Variants in TMEM132D observed in about 807,000 individuals in gnomAD.
The protein encoded by TMEM132D is mature OL transmembrane protein.
Under a neutral mutation model 62.3 loss-of-function variants are expected in TMEM132D, and 21 were observed. The ratio of observed to expected loss-of-function variants is 0.34; its 90% CI spans 0.24 to 0.49. The LOEUF (loss-of-function observed/expected upper bound fraction) is 0.49. Among genes scored for constraint, TMEM132D ranks in the 20% least tolerant of loss-of-function variants. The pLI, the probability that TMEM132D is intolerant of heterozygous loss-of-function variation, is 0.99. For missense variants in TMEM132D, 1,346 were observed against 1,402.8 expected, an observed-to-expected ratio of 0.96 and a Z score of 0.65; for synonymous variants, 621 against 575.6, an observed-to-expected ratio of 1.08 and a Z score of -1.13.
At chr12:129,336,819 G>C (rs79996024) in intron 4 of TMEM132D, among the ~76,000 whole-genome samples, 1,611 of 152,314 alleles carry the variant, frequency 0.011, 32 homozygotes, top group African/African-American at 0.037. Flanking sequence ...GCAGCAGCAG[G>C]AGGTGCTCAG....
At chr12:129,190,476 A>G (rs1242800455) in intron 5 of TMEM132D, among the ~76,000 whole-genome samples, 4 of 12,118 alleles carry the variant, frequency 3.3e-4, no homozygotes, top group Admixed American at 1.2e-3. Context: ...GGAGGGAGGG[A>G]GTCTCAGGCC....
At chr12:129,084,347 G>A in intron 6 of TMEM132D, 150 bp downstream of exon 6, 1 of 675,594 alleles carries the variant, frequency 1.5e-6, no homozygotes, top group Non-Finnish European at 2.2e-6. Flanking sequence ...GATAAAGAAT[G>A]AAGCCAACAC....
intron 4 of TMEM132D, among the ~76,000 whole-genome samples, chr12:129,326,516 G>C (rs1868916336): frequency 6.6e-6 from 1 of 152,180 alleles, no homozygotes; most frequent in African/African-American, 2.4e-5. Context: ...TAAAGTTTCA[G>C]CTCTCACAAA....
At chr12:129,707,182 TATA>T (rs1400315027) in intron 1 of TMEM132D, among the ~76,000 whole-genome samples, 3 of 148,140 alleles carry the variant, frequency 2.0e-5, no homozygotes, top group Non-Finnish European at 4.5e-5. Context: ...ATACTATATC[TATA>T]ATAACATTGT....
chr12:129,335,616 A>G (rs1293459107), intron 4 of TMEM132D, among the ~76,000 whole-genome samples: 1 of 152,194 alleles, frequency 6.6e-6, no homozygotes, highest in Non-Finnish European at 1.5e-5. Flanking sequence ...GTAATGACCA[A>G]TGAAAAATGG....
chr12:129,136,795 C>CCACCACCATCATCAT (rs1456515425), intron 5 of TMEM132D, among the ~76,000 whole-genome samples: 20 of 148,872 alleles, frequency 1.3e-4, no homozygotes, highest in African/African-American at 4.2e-4. Flanking sequence ...ATCACCATCA[C>CCACCACCATCATCAT]CATCATCACC....
chr12:129,081,731 A>C (rs1468572911), intron 7 of TMEM132D, 28 bp downstream of exon 7: 2 of 1,532,934 alleles, frequency 1.3e-6, no homozygotes, highest in South Asian at 1.3e-5. Context: ...AGAGATCTTG[A>C]TTTGGGGATT....
At position 129,423,488 on chromosome 12, in the gene TMEM132D, G is replaced by A. The variant is rs73151063; in HGVS notation, c.1116-85671C>T. On this transcript the variant is annotated intron_variant, in intron 3 of 8. Transcript: ENST00000422113. ...AAATGGATTTCAAGAGCCAAATCTG[G>A]ATGATTTGTAGGGGATGTAGGGGTT... 3.7e-3 allele frequency among the ~76,000 whole-genome samples: 560 copies of A among 152,244 alleles called. 4 individuals are homozygous for A. The highest frequency in any genetic ancestry group is 6.5e-3 in the Non-Finnish European group (443 of 68,028).
chr12:129,137,935 G>A (rs1382398927), intron 5 of TMEM132D, among the ~76,000 whole-genome samples: 3 of 152,018 alleles, frequency 2.0e-5, no homozygotes, highest in Non-Finnish European at 2.9e-5. Flanking sequence ...ATTCTGGGAA[G>A]TATGTTATTT....
chr12:129,164,592 T>C (rs551367608), intron 5 of TMEM132D, among the ~76,000 whole-genome samples: 51 of 152,304 alleles, frequency 3.3e-4, no homozygotes, highest in African/African-American at 1.1e-3. Flanking sequence ...CGAGGAACTA[T>C]AGTTCAGCCT....
At chr12:129,401,914 A>T (rs1871635969) in intron 3 of TMEM132D, among the ~76,000 whole-genome samples, 1 of 152,156 alleles carries the variant, frequency 6.6e-6, no homozygotes, top group Non-Finnish European at 1.5e-5. Flanking sequence ...GAGGAATGAC[A>T]TGCTTCCTCT....
chr12:129,537,065 C>T (rs534363708), intron 2 of TMEM132D, among the ~76,000 whole-genome samples: 11 of 146,460 alleles, frequency 7.5e-5, no homozygotes, highest in South Asian at 2.2e-4. Context: ...GAGGCTGAGA[C>T]GGGAGAATTG....
At chr12:129,191,766 C>CACACACACACACAT (rs985034042) in intron 5 of TMEM132D, among the ~76,000 whole-genome samples, 1 of 148,976 alleles carries the variant, frequency 6.7e-6, no homozygotes, top group Non-Finnish European at 1.5e-5. Context: ...ACACACAGAA[C>CACACACACACACAT]ACACACACAC....
rs370714970 is a variant in TMEM132D at position 129,086,199 on chromosome 12, C to CGTGTGTGTGTGT, written c.1444-1498_1444-1497insACACACACACAC. Among the ~76,000 whole-genome samples the CGTGTGTGTGTGT allele has an allele frequency of 9.5e-5, 11 of 116,116 alleles. No homozygotes were observed. The South Asian group carries it at 1.1e-3, about 12-fold the overall frequency. The allele number at this position is 116,116 out of a possible 152,430, so 76.2% of individuals were successfully genotyped here. ...CCATCACCTCACATAGTCACGCGCG[C>CGTGTGTGTGTGT]GCGTGTGTGTGTGTGTGTGTGTGTG... is the stretch of plus-strand genomic sequence containing the variant. On this transcript the variant is annotated intron_variant, in intron 5 of 8. Coordinates refer to ENST00000422113, the MANE Select transcript of TMEM132D (RefSeq NM_133448.3).
At chr12:129,711,252 T>C (rs1026488541) in intron 1 of TMEM132D, among the ~76,000 whole-genome samples, 6 of 152,224 alleles carry the variant, frequency 3.9e-5, no homozygotes, top group African/African-American at 1.4e-4. Flanking sequence ...TGCCAAAACC[T>C]TGGCGCCATG....
rs557117736 is a variant in TMEM132D at position 129,566,993 on chromosome 12, C to T, written c.969-35788G>A. On this transcript the variant is annotated intron_variant, in intron 2 of 8. Coordinates refer to ENST00000422113, the MANE Select transcript of TMEM132D (RefSeq NM_133448.3). ...CCAGACCTAACCAATGTACATCTTA[C>T]GTGTATTGACTGACGTCATGTCTCC... 3.2e-4 allele frequency among the ~76,000 whole-genome samples: 49 copies of T among 152,310 alleles called. 1 individual carries two copies. The South Asian group carries it at 8.3e-3, about 26-fold the overall frequency.
At chr12:129,319,356 CACAA>C (rs1316174858) in intron 4 of TMEM132D, among the ~76,000 whole-genome samples, 3 of 152,166 alleles carry the variant, frequency 2.0e-5, no homozygotes, top group Admixed American at 6.5e-5. Flanking sequence ...AAACTTCTTC[CACAA>C]ACAGACCTTC....
At chr12:129,539,405 C>CTTTT (rs33913406) in intron 2 of TMEM132D, among the ~76,000 whole-genome samples, 11 of 117,010 alleles carry the variant, frequency 9.4e-5, no homozygotes, top group African/African-American at 1.4e-4. Flanking sequence ...CTAATTTTTT[C>CTTTT]TTTTTTTTTT....
intron 4 of TMEM132D, among the ~76,000 whole-genome samples, chr12:129,274,157 G>C (rs1880938760): frequency 6.6e-6 from 1 of 151,824 alleles, no homozygotes; most frequent in Non-Finnish European, 1.5e-5. Context: ...GCGCATGAGA[G>C]TTAAAAGGAA....
Sources: allele counts gnomAD v4.1 joint callset (sites outside exome capture counted in the v4.1 genomes callset), GRCh38; gene constraint gnomAD v4.1.1; transcripts MANE v1.5; gene names NCBI Gene and HGNC (gene_info 2026-07-23, HGNC 2026-07-21).